Variants in TMTC2 observed in about 807,000 individuals in gnomAD.
TMTC2 encodes the protein protein O-mannosyl-transferase TMTC2.
A neutral mutation model predicts 82.4 loss-of-function variants in TMTC2; 43 were observed. That is an observed-to-expected ratio of 0.52 (90% confidence interval 0.41 to 0.67). The LOEUF is 0.67. TMTC2 is among the 30% of genes least tolerant of loss of function. TMTC2 has a pLI of 0.00. For missense variants in TMTC2, 919 were observed against 1,012.4 expected, an observed-to-expected ratio of 0.91 and a Z score of 1.25; for synonymous variants, 408 against 381.9, an observed-to-expected ratio of 1.07 and a Z score of -0.80.
At chr12:82,730,184 A>G (rs1025132615) in intron 1 of TMTC2, among the ~76,000 whole-genome samples, 3 of 151,284 alleles carry the variant, frequency 2.0e-5, no homozygotes, top group Non-Finnish European at 2.9e-5. Flanking sequence ...AGTCCCAGCT[A>G]TTCAGGAGGC....
chr12:82,717,179 A>T (rs1873940190), intron 1 of TMTC2, among the ~76,000 whole-genome samples: 1 of 148,376 alleles, frequency 6.7e-6, no homozygotes, highest in Non-Finnish European at 1.5e-5. Flanking sequence ...AGACAAATGT[A>T]TTATCTGTTT....
intron 3 of TMTC2, among the ~76,000 whole-genome samples, chr12:82,915,009 T>G (rs1439391406): frequency 6.6e-6 from 1 of 151,602 alleles, no homozygotes; most frequent in Non-Finnish European, 1.5e-5. Flanking sequence ...ATTTTTAGTA[T>G]AGATGGTGTT....
chr12:83,048,496 T>A (rs924738559), intron 9 of TMTC2, among the ~76,000 whole-genome samples: 3 of 152,150 alleles, frequency 2.0e-5, no homozygotes. Context: ...ACTAAGAAAG[T>A]GATATGAAAC....
chr12:83,071,377 T>A (rs1275480646), intron 11 of TMTC2, among the ~76,000 whole-genome samples: 1 of 152,096 alleles, frequency 6.6e-6, no homozygotes, highest in East Asian at 1.9e-4. Flanking sequence ...CAGGATGGTC[T>A]CAATCTCCTG....
chr12:82,911,875 G>T (rs1213960500), intron 3 of TMTC2, among the ~76,000 whole-genome samples: 1 of 152,158 alleles, frequency 6.6e-6, no homozygotes, highest in Non-Finnish European at 1.5e-5. Context: ...CTCCCAAAGT[G>T]CTGGGACTAC....
intron 3 of TMTC2, among the ~76,000 whole-genome samples, chr12:82,905,295 A>T (rs1425322972): frequency 2.0e-5 from 3 of 152,222 alleles, no homozygotes; most frequent in Non-Finnish European, 4.4e-5. Context: ...TATATATGGC[A>T]GCACATCTGG....
At chr12:82,975,897 TAA>T (rs3068096) in intron 7 of TMTC2, among the ~76,000 whole-genome samples, 110,303 of 151,528 alleles carry the variant, frequency 0.73, 41,857 homozygotes, top group South Asian at 0.88. Flanking sequence ...AACTTTTTTT[TAA>T]AAAAAAAATA....
intron 2 of TMTC2, among the ~76,000 whole-genome samples, chr12:82,858,133 G>T (rs943976664): frequency 6.6e-6 from 1 of 152,178 alleles, no homozygotes; most frequent in Non-Finnish European, 1.5e-5. Flanking sequence ...ACAGAAAATG[G>T]TTATTATTGA....
intron 1 of TMTC2, among the ~76,000 whole-genome samples, chr12:82,845,576 G>A (rs1306636304): frequency 6.6e-6 from 1 of 151,904 alleles, no homozygotes; most frequent in African/African-American, 2.4e-5. Context: ...CTTTTAAATT[G>A]AAACTCTGAT....
At chr12:82,934,624 A>G (rs113794662) in intron 4 of TMTC2, among the ~76,000 whole-genome samples, 1 of 152,078 alleles carries the variant, frequency 6.6e-6, no homozygotes, top group African/African-American at 2.4e-5. Context: ...TATCCAGTCT[A>G]TCATTGATGG....
At chr12:82,785,745 T>C (rs1038908899) in intron 1 of TMTC2, among the ~76,000 whole-genome samples, 2 of 152,116 alleles carry the variant, frequency 1.3e-5, no homozygotes, top group African/African-American at 4.8e-5. Flanking sequence ...TCCTGAAACA[T>C]GGTTCCCTTT....
chr12:82,756,911 A>G (rs1337588607), intron 1 of TMTC2, among the ~76,000 whole-genome samples: 1 of 152,158 alleles, frequency 6.6e-6, no homozygotes, highest in Non-Finnish European at 1.5e-5. Context: ...AATTTGAATC[A>G]GTGCTCTAGT....
Position 82,873,213 on chromosome 12 carries a change from T to TTGTGTGTGTG in TMTC2, c.654+15661_654+15670dup, listed in dbSNP as rs35177760. ...GGATTTTGGCCCTGTTTCAAAGATGTTGTGTGTGTGTGTGTGTGTGTGTGT... is the reference window on the plus strand; with the variant it reads ...GGATTTTGGCCCTGTTTCAAAGATGTTGTGTGTGTGTGTGTGTGTGTGTGTGTGTGTGTGT... On this transcript the variant is annotated intron_variant, in intron 2 of 11. Transcript: ENST00000321196. 4.8e-3 allele frequency among the ~76,000 whole-genome samples: 690 copies of TTGTGTGTGTG among 143,618 alleles called. 6 individuals carry two copies. The highest frequency in any genetic ancestry group is 0.014 in the East Asian group (70 of 4,856). 94.2% of individuals were successfully genotyped at this position (143,618 alleles called of 152,430 possible). A position where few individuals can be genotyped will look rare whatever the true frequency, so the allele number is the denominator to read the frequency against.
chr12:83,059,220 A>G (rs1882652271), intron 10 of TMTC2, among the ~76,000 whole-genome samples: 1 of 151,820 alleles, frequency 6.6e-6, no homozygotes, highest in African/African-American at 2.4e-5. Context: ...TAAATTCTTT[A>G]CTTTTCAAAT....
intron 5 of TMTC2, 145 bp downstream of exon 5, chr12:82,965,254 C>G: frequency 1.5e-6 from 1 of 659,260 alleles, no homozygotes; most frequent in Non-Finnish European, 2.6e-6. Context: ...ACAATTATAT[C>G]TCAATTGCAT....
intron 2 of TMTC2, among the ~76,000 whole-genome samples, chr12:82,871,143 T>G (rs1227333718): frequency 6.6e-6 from 1 of 152,176 alleles, no homozygotes; most frequent in Non-Finnish European, 1.5e-5. Flanking sequence ...TTTGTTCCAT[T>G]CTATGAAAGC....
intron 8 of TMTC2, among the ~76,000 whole-genome samples, chr12:83,022,157 A>T (rs1880961837): frequency 6.6e-6 from 1 of 152,008 alleles, no homozygotes; most frequent in Non-Finnish European, 1.5e-5. Flanking sequence ...TACAGAACCC[A>T]CTAGGCCCTG....
intron 1 of TMTC2, among the ~76,000 whole-genome samples, chr12:82,847,762 A>T (rs1870766012): frequency 6.6e-6 from 1 of 151,804 alleles, no homozygotes; most frequent in South Asian, 2.1e-4. Flanking sequence ...ACTTGGACAC[A>T]GGGCAGGGAA....
At chr12:82,809,490 G>A (rs1280644984) in intron 1 of TMTC2, among the ~76,000 whole-genome samples, 1 of 152,104 alleles carries the variant, frequency 6.6e-6, no homozygotes, top group African/African-American at 2.4e-5. Flanking sequence ...GCAGATTTCT[G>A]CAGGGGAGAT....
Sources: allele counts gnomAD v4.1 joint callset (sites outside exome capture counted in the v4.1 genomes callset), GRCh38; gene constraint gnomAD v4.1.1; transcripts MANE v1.5; gene names NCBI Gene and HGNC (gene_info 2026-07-23, HGNC 2026-07-21).